The following DLX3 variants were observed in gnomAD, a reference collection of about 807,000 sequenced individuals.
DLX3 encodes homeobox protein DLX-3.
DLX3 carries 9 observed loss-of-function variants against 28.0 expected under a neutral mutation model. The observed-to-expected ratio is 0.32, with a 90% CI of 0.19 to 0.56. DLX3 has a LOEUF of 0.56. Ranked by LOEUF, DLX3 falls within the 20% of genes least tolerant of loss-of-function variation. DLX3 has a pLI of 0.91. For missense variants in DLX3, 313 were observed against 378.2 expected (o/e 0.83, Z 1.43); for synonymous variants, 154 against 167.9 (o/e 0.92, Z 0.64).
In DLX3 at chr17:49,991,787, A is replaced by G. The variant is rs147997048; in HGVS notation, c.594T>C (p.Ser198=). ...YKNGEVPLEH[S]PNNSDSMACN... is the part of the protein sequence containing the mutation. ...AGGCCATGGAATCACTGTTATTGGGACTGTGCTCCAGCGGCACCTCCCCGT... is the reference window on the plus strand; with the variant it reads ...AGGCCATGGAATCACTGTTATTGGGGCTGTGCTCCAGCGGCACCTCCCCGT... Residue 198 remains serine, a synonymous_variant, in exon 3 of 3, where the codon AGT becomes AGC. Coordinates refer to ENST00000434704, the MANE Select transcript of DLX3 (RefSeq NM_005220.3). The G allele has an allele frequency of 5.0e-5, 80 of 1,613,848 alleles. No homozygotes were observed. Among genetic ancestry groups the G allele is most frequent in the Non-Finnish European group, 6.4e-5 (75 of 1,179,938 alleles).
chr17:49,994,897 C>T lies in DLX3; in HGVS notation c.102G>A (p.Glu34=). ...AGTAGCCCAGGTCAGTGACAGAAGA[C>T]TCGGGCAGGGTAGGCGAGTCCTTGG... is the stretch of plus-strand genomic sequence containing the variant. ...AGSKDSPTLP[E]SSVTDLGYYS... The change falls in exon 1 of 3, where the codon GAG becomes GAA. Residue 34 remains glutamate, a synonymous_variant. Transcript: ENST00000434704. The T allele has an allele frequency of 6.2e-7, 1 of 1,614,182 alleles. No individual in the cohort carries two copies. Among genetic ancestry groups the T allele is most frequent in the Non-Finnish European group, 8.5e-7 (1 of 1,180,038 alleles).
chr17:49,991,924 G>C lies in DLX3; in HGVS notation c.517-60C>G, dbSNP rs9899645. ...TCTCAGAATGCTAAAACAACCCTGGGAAGAACCTAGCCAAGAAAAAGAAAG... is the reference window on the plus strand; with the variant it reads ...TCTCAGAATGCTAAAACAACCCTGGCAAGAACCTAGCCAAGAAAAAGAAAG... On this transcript the variant is annotated intron_variant, in intron 2 of 2. Coordinates refer to ENST00000434704, the MANE Select transcript of DLX3 (RefSeq NM_005220.3). 0.2 allele frequency: 310,287 copies of C among 1,536,730 alleles called. 34,792 individuals are homozygous for C. Among genetic ancestry groups the C allele is most frequent in the East Asian group, 0.53 (23,500 of 44,476 alleles).
rs1459271424 is a variant in DLX3 at position 49,990,194 on chromosome 17, T to A, written c.*1323A>T. The stretch of plus-strand genomic sequence containing the variant: ...CCCAAATCCAGCCGGAGCCCACATC[T>A]CTCAGCTTGAAACACACAGGGAGAT... On this transcript the variant is annotated 3_prime_UTR_variant, in exon 3 of 3. Transcript: ENST00000434704. 1.3e-5 allele frequency: 2 copies of A among 151,656 alleles called. No individual in the cohort carries two copies. The highest frequency in any genetic ancestry group is 2.9e-5 in the Non-Finnish European group (2 of 67,972). The allele number at this position is 151,656 out of a possible 1,614,324, so 9.4% of individuals were successfully genotyped here. A position where few individuals can be genotyped will look rare whatever the true frequency, so the allele number is the denominator to read the frequency against.
chr17:49,993,369 C>T (rs754517605), intron 2 of DLX3, 31 bp downstream of exon 2: 2 of 1,565,620 alleles, frequency 1.3e-6, no homozygotes, highest in South Asian at 1.1e-5. Flanking sequence ...GTCCCGCGCG[C>T]CCCCGCGGCC....
In DLX3 at chr17:49,991,781, A is replaced by G; in HGVS notation, c.600T>C (p.Asn200=). Residue 200 remains asparagine (N), a synonymous_variant, in exon 3 of 3, where the codon AAT becomes AAC. Transcript: ENST00000434704. ...NGEVPLEHSP[N]NSDSMACNSP... ...AGTTGCAGGCCATGGAATCACTGTT[A>G]TTGGGACTGTGCTCCAGCGGCACCT... 6.2e-7 allele frequency: 1 copy of G among 1,613,952 alleles called. No homozygotes were observed. The highest frequency in any genetic ancestry group is 8.5e-7 in the Non-Finnish European group (1 of 1,179,976).
At chr17:49,994,538 T>C (rs1408379533) in intron 1 of DLX3, 136 bp downstream of exon 1, 3 of 1,095,542 alleles carry the variant, frequency 2.7e-6, no homozygotes, top group Non-Finnish European at 3.9e-6. Flanking sequence ...CTGAGGGTCA[T>C]CTAGGCCAAC....
intron 2 of DLX3, among the ~76,000 whole-genome samples, 176 bp from the exon 3 acceptor site, chr17:49,992,040 CGT>C (rs1362391754): frequency 6.6e-6 from 1 of 152,096 alleles, no homozygotes; most frequent in Admixed American, 6.5e-5. Flanking sequence ...TGGCTAGGAA[CGT>C]TCAGCTGCCT....
intron 1 of DLX3, 96 bp from the exon 2 acceptor site, chr17:49,993,686 G>T: frequency 7.2e-7 from 1 of 1,395,482 alleles, no homozygotes; most frequent in Non-Finnish European, 9.6e-7. Flanking sequence ...CCTCGCTTCC[G>T]CCCACCGACT....
rs751977901 is a variant in DLX3 at position 49,995,050 on chromosome 17, G to C, written c.-52C>G. On this transcript the variant is annotated 5_prime_UTR_variant, in exon 1 of 3. Coordinates refer to ENST00000434704, the MANE Select transcript of DLX3 (RefSeq NM_005220.3). ...GCTGGCCTCCGCAGAGGACAGGAAC[G>C]GACCGGAGTGCGAGAGAGGCGGAAG... The C allele has an allele frequency of 1.0e-5, 16 of 1,589,552 alleles. No individual in the cohort carries two copies. The highest frequency in any genetic ancestry group is 3.5e-5 in the Admixed American group (2 of 57,692).
intron 1 of DLX3, 125 bp from the exon 2 acceptor site, chr17:49,993,715 C>T (rs1347902296): frequency 6.2e-6 from 7 of 1,122,756 alleles, no homozygotes; most frequent in Non-Finnish European, 7.3e-6. Context: ...GATTCCCGGC[C>T]GCGCGCTCCG....
Position 49,991,625 on chromosome 17 carries a change from A to G in DLX3, c.756T>C (p.Tyr252=), listed in dbSNP as rs781719320. ...GGGGTCCACTCAGGTTCTGTGCGTG[A>G]TACCAGGAGTTGGTGGGGTCGTCCA... ...SYLDDPTNSW[Y]HAQNLSGPHL... The change falls in exon 3 of 3, where the codon TAT becomes TAC. Residue 252 remains tyrosine (Y), a synonymous_variant. Transcript: ENST00000434704. 8 of 1,613,692 alleles carry G rather than the reference A, an allele frequency of 5.0e-6. No homozygotes were observed. The South Asian group carries it at 6.6e-5, about 13-fold the overall frequency.
chr17:49,991,428 G>T lies in DLX3; in HGVS notation c.*89C>A. 1 of 1,175,190 alleles carries T rather than the reference G, an allele frequency of 8.5e-7. No homozygotes were observed. Among genetic ancestry groups the T allele is most frequent in the Non-Finnish European group, 1.2e-6 (1 of 847,374 alleles). 72.8% of individuals were successfully genotyped at this position (1,175,190 alleles called of 1,614,324 possible). ...GGGAAAGGGAGTTCCTTTTCCCTGT[G>T]CTCCTCGATGATTCCTGAGTGGCTA... On this transcript the variant is annotated 3_prime_UTR_variant, in exon 3 of 3. Transcript: ENST00000434704.
chr17:49,994,994 C>T lies in DLX3; in HGVS notation c.5G>A (p.Ser2Asn), dbSNP rs771831301. M[S>N]GSFDRKLSSI... ...GCTGAGCTTGCGATCGAAGGAGCCA[C>T]TCATCCTGGCGGGCGCTGCACCTCC... Residue 2 changes from serine to asparagine, a missense_variant, in exon 1 of 3, where the codon AGT (serine) becomes AAT (asparagine). Physicochemically the swap from Ser to Asn is conservative, Grantham distance 46. Around this residue, in one of 3 missense-constraint regions of DLX3, gnomAD observed 183 missense variants for 197.7 expected, o/e 0.93. Coordinates refer to ENST00000434704, the MANE Select transcript of DLX3 (RefSeq NM_005220.3). The T allele has an allele frequency of 6.2e-6, 10 of 1,611,166 alleles. No homozygotes were observed. The highest frequency in any genetic ancestry group is 8.5e-6 in the Non-Finnish European group (10 of 1,179,978).
chr17:49,993,346 G>A lies in DLX3; in HGVS notation c.516+54C>T, dbSNP rs1598154959. ...TGGCCAGCCAGGCTCGGCAGCGCGC[G>A]GGGAACTACGGGGTCCCGCGCGCCC... On this transcript the variant is annotated intron_variant, in intron 2 of 2. Transcript: ENST00000434704. 5.9e-6 allele frequency: 9 copies of A among 1,526,862 alleles called. No individual in the cohort carries two copies. In the East Asian group the frequency reaches 7.3e-5, roughly 12 times the overall value. 94.6% of individuals were successfully genotyped at this position (1,526,862 alleles called of 1,614,324 possible). A position where few individuals can be genotyped will look rare whatever the true frequency, so the allele number is the denominator to read the frequency against.
chr17:49,994,433 C>A (rs1198590697), intron 1 of DLX3, among the ~76,000 whole-genome samples: 1 of 152,216 alleles, frequency 6.6e-6, no homozygotes, highest in African/African-American at 2.4e-5. Flanking sequence ...CTTCCTCTCT[C>A]AGCTCATCCC....
In DLX3 at chr17:49,991,199, G is replaced by C. The variant is rs1463662303; in HGVS notation, c.*318C>G. On this transcript the variant is annotated 3_prime_UTR_variant, in exon 3 of 3. Coordinates refer to ENST00000434704, the MANE Select transcript of DLX3 (RefSeq NM_005220.3). ...TGGGAACAGGCACTAAGTTTAAGAA[G>C]CTGGAAGATGATGAGCCATTTAAAG... 1 of 331,518 alleles carries C rather than the reference G, an allele frequency of 3.0e-6. No homozygotes were observed. The highest frequency in any genetic ancestry group is 5.5e-6 in the Non-Finnish European group (1 of 181,100). 20.5% of individuals were successfully genotyped at this position (331,518 alleles called of 1,614,324 possible). A position where few individuals can be genotyped will look rare whatever the true frequency, so the allele number is the denominator to read the frequency against.
intron 1 of DLX3, among the ~76,000 whole-genome samples, chr17:49,994,436 C>T: frequency 6.6e-6 from 1 of 152,204 alleles, no homozygotes; most frequent in East Asian, 1.9e-4. Flanking sequence ...CCTCTCTCAG[C>T]TCATCCCGAT....
chr17:49,992,771 G>C (rs971190767), intron 2 of DLX3, among the ~76,000 whole-genome samples: 1 of 152,202 alleles, frequency 6.6e-6, no homozygotes, highest in Non-Finnish European at 1.5e-5. Flanking sequence ...ACAGGCTGCT[G>C]GGGGCTTTAG....
At chr17:49,992,851 C>T (rs1172194265) in intron 2 of DLX3, among the ~76,000 whole-genome samples, 2 of 152,142 alleles carry the variant, frequency 1.3e-5, no homozygotes, top group African/African-American at 4.8e-5. Context: ...GGAATTTGGC[C>T]TCTCTTGAGC....
Sources: gnomAD v4.1 joint callset for allele counts (sites outside exome capture counted in the v4.1 genomes callset) on GRCh38, gnomAD v4.1.1 for gene constraint, gnomAD v4.1.1 regional missense constraint, MANE v1.5 for transcripts, NCBI Gene and HGNC (gene_info 2026-07-23, HGNC 2026-07-21) for gene names.